The following DIS3L2 variants were observed in gnomAD, a reference collection of about 807,000 sequenced individuals.
The protein encoded by DIS3L2 is DIS3-like exonuclease 2.
A neutral mutation model predicts 97.5 loss-of-function variants in DIS3L2; 34 were observed. The ratio of observed to expected loss-of-function variants is 0.35; its 90% CI spans 0.27 to 0.46. The LOEUF (loss-of-function observed/expected upper bound fraction) is 0.46. Ranked by LOEUF, DIS3L2 falls within the 20% of genes least tolerant of loss-of-function variation. DIS3L2 has a pLI of 1.00. For missense variants in DIS3L2, 1,038 were observed against 1,146.0 expected, an observed-to-expected ratio of 0.91 and a Z score of 1.36; for synonymous variants, 435 against 445.2, an observed-to-expected ratio of 0.98 and a Z score of 0.29.
At chr2:232,141,340 A>G (rs1690033659) in intron 8 of DIS3L2, among the ~76,000 whole-genome samples, 1 of 152,210 alleles carries the variant, frequency 6.6e-6, no homozygotes, top group Non-Finnish European at 1.5e-5. Flanking sequence ...GTTTTACAGC[A>G]GCTACCGTGA....
intron 7 of DIS3L2, among the ~76,000 whole-genome samples, chr2:232,134,397 A>T (rs966450580): frequency 2.0e-5 from 3 of 152,214 alleles, no homozygotes; most frequent in African/African-American, 7.2e-5. Flanking sequence ...TCAACTCTAT[A>T]CCTTGCGTTT....
intron 7 of DIS3L2, among the ~76,000 whole-genome samples, chr2:232,133,057 G>A (rs1261400131): frequency 6.6e-6 from 1 of 152,124 alleles, no homozygotes; most frequent in Non-Finnish European, 1.5e-5. Context: ...TGGGTGTGTG[G>A]TCCAGGAAGC....
At chr2:232,120,020 A>G (rs1010603390) in intron 6 of DIS3L2, among the ~76,000 whole-genome samples, 1 of 151,938 alleles carries the variant, frequency 6.6e-6, no homozygotes, top group African/African-American at 2.4e-5. Context: ...TTTTCCCCCC[A>G]GTCTCTGCCC....
At chr2:232,329,785 T>TGCCCCGGGGGGCCC in intron 14 of DIS3L2, 28 bp from the exon 15 acceptor site, 1 of 967,144 alleles carries the variant, frequency 1.0e-6, no homozygotes, top group Non-Finnish European at 1.5e-6. Flanking sequence ...ACCCCAGCGG[T>TGCCCCGGGGGGCCC]CCCTCCCATC....
At chr2:232,221,804 A>AAAAAG (rs1465162479) in intron 10 of DIS3L2, among the ~76,000 whole-genome samples, 1 of 152,176 alleles carries the variant, frequency 6.6e-6, no homozygotes, top group Non-Finnish European at 1.5e-5. Context: ...TCCGTCTCAA[A>AAAAAG]AAAAGAAAAG....
intron 9 of DIS3L2, among the ~76,000 whole-genome samples, chr2:232,177,370 G>A (rs1327424758): frequency 2.6e-4 from 33 of 126,078 alleles, no homozygotes; most frequent in African/African-American, 9.8e-4. Context: ...CTAGATCCCT[G>A]AGGAATCGCC....
At chr2:232,338,251 C>G (rs896955062), downstream of DIS3L2, among the ~76,000 whole-genome samples, 2 of 152,106 alleles carry the variant, frequency 1.3e-5, no homozygotes, top group African/African-American at 2.4e-5. Flanking sequence ...CTGACCCTGT[C>G]CCCCAGGGCC....
chr2:232,141,171 C>A (rs1690025556), intron 8 of DIS3L2, among the ~76,000 whole-genome samples: 1 of 151,756 alleles, frequency 6.6e-6, no homozygotes, highest in African/African-American at 2.4e-5. Context: ...TATATTTTCT[C>A]AGCCCTTTGG....
chr2:232,164,542 T>C (rs915669141), intron 9 of DIS3L2, among the ~76,000 whole-genome samples: 4 of 152,210 alleles, frequency 2.6e-5, no homozygotes, highest in East Asian at 1.9e-4. Flanking sequence ...GCTGAACTTA[T>C]GACACCTTCA....
At chr2:232,080,509 A>G (rs1696355269) in intron 5 of DIS3L2, among the ~76,000 whole-genome samples, 1 of 152,162 alleles carries the variant, frequency 6.6e-6, no homozygotes, top group Non-Finnish European at 1.5e-5. Context: ...AGATTTTTGA[A>G]AAACAGTCAT....
chr2:232,322,979 C>A (rs916468766), intron 14 of DIS3L2, among the ~76,000 whole-genome samples: 1 of 152,230 alleles, frequency 6.6e-6, no homozygotes. Context: ...GGACCCCTGG[C>A]CAGGAGCAAG....
chr2:232,074,461 T>A (rs985124770), intron 5 of DIS3L2, among the ~76,000 whole-genome samples: 1 of 152,026 alleles, frequency 6.6e-6, no homozygotes. Context: ...CTATGTGCCA[T>A]GGATCATGGG....
intron 9 of DIS3L2, among the ~76,000 whole-genome samples, chr2:232,199,661 A>G (rs557988105): frequency 4.7e-4 from 71 of 152,348 alleles, no homozygotes; most frequent in African/African-American, 1.6e-3. Flanking sequence ...TTATTTGTGT[A>G]AGAAAGAAGA....
At chr2:232,036,901 T>C (rs1694964401) in intron 5 of DIS3L2, among the ~76,000 whole-genome samples, 1 of 152,164 alleles carries the variant, frequency 6.6e-6, no homozygotes, top group Non-Finnish European at 1.5e-5. Flanking sequence ...GGAAGCTTCA[T>C]CCCAGAGAGG....
At chr2:232,147,943 C>G (rs938005998) in intron 8 of DIS3L2, among the ~76,000 whole-genome samples, 8 of 147,588 alleles carry the variant, frequency 5.4e-5, no homozygotes, top group African/African-American at 2.0e-4. Context: ...CTTCCCTTCC[C>G]TTCCCTCCCC....
chr2:231,971,068 G>T (rs2106163620), intron 1 of DIS3L2, among the ~76,000 whole-genome samples: 1 of 152,306 alleles, frequency 6.6e-6, no homozygotes, highest in Non-Finnish European at 1.5e-5. Flanking sequence ...GGCAGTACAT[G>T]CATGGAGCTG....
chr2:232,263,397 T>TA lies in DIS3L2; in HGVS notation c.1617dup (p.Arg540ThrfsTer35). Reference sequence around the variant, plus strand: ...AATCTCCACGGAATTGCCAAGCAGTTACGCCAGCAGCGCTTTGTGGACGGC... The same window carrying TA: ...AATCTCCACGGAATTGCCAAGCAGTTAACGCCAGCAGCGCTTTGTGGACGGC... On this transcript the variant is annotated frameshift_variant, in exon 13 of 21. Coordinates refer to ENST00000325385, the MANE Select transcript of DIS3L2 (RefSeq NM_152383.5). LOFTEE classifies it high-confidence loss of function. 1 of 1,614,190 alleles carries TA rather than the reference T, an allele frequency of 6.2e-7. No homozygotes were observed. The highest frequency in any genetic ancestry group is 8.5e-7 in the Non-Finnish European group (1 of 1,180,042).
chr2:232,077,125 C>G (rs1374028696), intron 5 of DIS3L2, among the ~76,000 whole-genome samples: 1 of 152,144 alleles, frequency 6.6e-6, no homozygotes, highest in Non-Finnish European at 1.5e-5. Context: ...AGCCATCCTT[C>G]ATGGTTTTTC....
intron 10 of DIS3L2, among the ~76,000 whole-genome samples, chr2:232,227,711 C>CA (rs1692686678): frequency 6.6e-6 from 1 of 152,044 alleles, no homozygotes; most frequent in African/African-American, 2.4e-5. Flanking sequence ...AGAGAAAAGC[C>CA]ACTAAGGGTT....
Sources: gnomAD v4.1 joint callset for allele counts (sites outside exome capture counted in the v4.1 genomes callset) on GRCh38, gnomAD v4.1.1 for gene constraint, MANE v1.5 for transcripts, NCBI Gene and HGNC (gene_info 2026-07-23, HGNC 2026-07-21) for gene names.